KIF6: variants seen among roughly 807,000 people sequenced by gnomAD.
The protein encoded by KIF6 is kinesin family member 6.
A neutral mutation model predicts 112.7 loss-of-function variants in KIF6; 106 were observed. The ratio of observed to expected loss-of-function variants is 0.94; its 90% CI spans 0.80 to 1.11. The LOEUF (loss-of-function observed/expected upper bound fraction) is 1.11. KIF6 is among the 50% of genes least tolerant of loss of function. KIF6 has a pLI of 0.00. For synonymous variants in KIF6, 339 were observed against 339.9 expected (o/e 1.00, Z 0.03); for missense variants, 929 against 964.0 (o/e 0.96, Z 0.48).
chr6:39,371,742 G>T (rs1348265199), intron 16 of KIF6, among the ~76,000 whole-genome samples: 1 of 152,090 alleles, frequency 6.6e-6, no homozygotes, highest in Non-Finnish European at 1.5e-5. Context: ...TCTGCTTCTT[G>T]TTAGGACCCT....
intron 10 of KIF6, among the ~76,000 whole-genome samples, chr6:39,551,445 T>C (rs960830147): frequency 1.1e-4 from 16 of 152,174 alleles, no homozygotes; most frequent in African/African-American, 2.2e-4. Flanking sequence ...GGGGTGACTA[T>C]AGTTAACAAT....
intron 22 of KIF6, among the ~76,000 whole-genome samples, chr6:39,341,622 G>T (rs929962601): frequency 1.3e-5 from 2 of 152,018 alleles, no homozygotes. Context: ...CTGTCTACTC[G>T]ACACCTCCTC....
intron 6 of KIF6, among the ~76,000 whole-genome samples, chr6:39,603,981 T>C (rs1225745178): frequency 2.6e-5 from 4 of 152,144 alleles, no homozygotes; most frequent in Non-Finnish European, 4.4e-5. Context: ...CTCTTTTCGA[T>C]TGAACAGGAC....
At chr6:39,460,536 T>TAAAAAAAAAAAAAAAA (rs759528125) in intron 13 of KIF6, among the ~76,000 whole-genome samples, 137 of 57,006 alleles carry the variant, frequency 2.4e-3, no homozygotes, top group East Asian at 4.0e-3. Context: ...AAAAAAAAAG[T>TAAAAAAAAAAAAAAAA]AAAAAAAAAA....
intron 3 of KIF6, among the ~76,000 whole-genome samples, chr6:39,685,659 T>C (rs113870498): frequency 3.9e-5 from 6 of 152,188 alleles, no homozygotes; most frequent in Non-Finnish European, 8.8e-5. Context: ...GCCATAGAGA[T>C]AGAGTAGGTG....
chr6:39,513,248 C>T (rs1009007111), intron 13 of KIF6, among the ~76,000 whole-genome samples: 6 of 152,188 alleles, frequency 3.9e-5, no homozygotes, highest in African/African-American at 1.4e-4. Context: ...TCTCCCAGCA[C>T]CTGTGGCATC....
In KIF6 at chr6:39,530,250, T is replaced by G. The variant is rs1777970422; in HGVS notation, c.1645+9753A>C. On this transcript the variant is annotated intron_variant, in intron 13 of 22. Transcript: ENST00000287152. ...ACAGCTTTGGCTTTCATTTCACCTT[T>G]TAAAATGCCAATGGCATCATCTGTG... Among the ~76,000 whole-genome samples the G allele has an allele frequency of 2.0e-5, 3 of 152,212 alleles. No homozygotes were observed. The South Asian group carries it at 6.2e-4, about 31-fold the overall frequency.
intron 10 of KIF6, among the ~76,000 whole-genome samples, chr6:39,547,936 A>G (rs552417914): frequency 6.6e-6 from 1 of 152,302 alleles, no homozygotes; most frequent in East Asian, 1.9e-4. Context: ...ACCTGACTTA[A>G]TGAGGTTTAA....
chr6:39,445,451 T>C (rs1772249919), intron 13 of KIF6, among the ~76,000 whole-genome samples: 1 of 152,240 alleles, frequency 6.6e-6, no homozygotes. Context: ...AAACAGACCA[T>C]CTGTTAATAA....
intron 3 of KIF6, among the ~76,000 whole-genome samples, chr6:39,682,520 G>A (rs181745045): frequency 3.9e-4 from 59 of 152,328 alleles, no homozygotes; most frequent in African/African-American, 1.4e-3. Context: ...CTTATGCAGT[G>A]CATAATCGAA....
At chr6:39,380,045 C>T (rs1226677743) in intron 16 of KIF6, among the ~76,000 whole-genome samples, 3 of 152,238 alleles carry the variant, frequency 2.0e-5, no homozygotes, top group Non-Finnish European at 4.4e-5. Context: ...TGATTAGTCT[C>T]ATCTGCATTA....
intron 15 of KIF6, among the ~76,000 whole-genome samples, chr6:39,395,337 C>T (rs1197993636): frequency 6.6e-6 from 1 of 152,184 alleles, no homozygotes; most frequent in East Asian, 1.9e-4. Context: ...TTGTTAAAAG[C>T]TCAAACAAAC....
intron 10 of KIF6, among the ~76,000 whole-genome samples, chr6:39,547,619 T>C (rs1448449491): frequency 1.3e-5 from 2 of 152,168 alleles, no homozygotes; most frequent in Non-Finnish European, 2.9e-5. Flanking sequence ...AGTTAAAATA[T>C]ATTATTCTTA....
At chr6:39,646,172 C>T (rs1285567171) in intron 3 of KIF6, among the ~76,000 whole-genome samples, 1 of 104,162 alleles carries the variant, frequency 9.6e-6, no homozygotes, top group Non-Finnish European at 1.7e-5. Flanking sequence ...AATGGAGCCT[C>T]AGAGAGGTAA....
chr6:39,463,709 T>C (rs1218573486), intron 13 of KIF6, among the ~76,000 whole-genome samples: 12 of 152,336 alleles, frequency 7.9e-5, no homozygotes, highest in Non-Finnish European at 1.8e-4. Context: ...ACATTTTTCA[T>C]ATCAACACAT....
chr6:39,700,783 G>A (rs1334046949), intron 3 of KIF6, among the ~76,000 whole-genome samples: 2 of 151,248 alleles, frequency 1.3e-5, no homozygotes, highest in East Asian at 3.9e-4. Flanking sequence ...GCACGATCTC[G>A]GCTCACTGCA....
rs975448936 is a variant in KIF6 at position 39,330,555 on chromosome 6, G to A, written c.*5977C>T. The A allele has an allele frequency of 3.3e-5, 5 of 152,280 alleles. No individual in the cohort carries two copies. Among genetic ancestry groups the A allele is most frequent in the Non-Finnish European group, 7.3e-5 (5 of 68,072 alleles). The allele number at this position is 152,280 out of a possible 1,614,324, so 9.4% of individuals were successfully genotyped here. A position where few individuals can be genotyped will look rare whatever the true frequency, so the allele number is the denominator to read the frequency against. On this transcript the variant is annotated 3_prime_UTR_variant, in exon 23 of 23. Coordinates refer to ENST00000287152, the MANE Select transcript of KIF6 (RefSeq NM_145027.6). ...CACACCTGGGGCCAGAAGGGGAGGG[G>A]TGCTGGCCTGGGGAGGGGCTGCCCT... is the stretch of plus-strand genomic sequence containing the variant.
chr6:39,648,636 A>C (rs1228543086), intron 3 of KIF6, among the ~76,000 whole-genome samples: 1 of 152,134 alleles, frequency 6.6e-6, no homozygotes, highest in African/African-American at 2.4e-5. Context: ...ACATTCCCTA[A>C]CATCTTAGGA....
intron 13 of KIF6, among the ~76,000 whole-genome samples, chr6:39,508,613 T>C (rs1297795840): frequency 6.6e-6 from 1 of 152,096 alleles, no homozygotes; most frequent in Admixed American, 6.5e-5. Context: ...TCGCTGCTAG[T>C]GTAGCAGTAT....
Sources: gnomAD v4.1 joint callset for allele counts (sites outside exome capture counted in the v4.1 genomes callset) on GRCh38, gnomAD v4.1.1 for gene constraint, MANE v1.5 for transcripts, NCBI Gene and HGNC (gene_info 2026-07-23, HGNC 2026-07-21) for gene names.